The following UGGT2 variants were observed in gnomAD, a reference collection of about 807,000 sequenced individuals.
UGGT2 encodes the protein UDP-glucose glycoprotein glucosyltransferase 2, also known as UDP-glucose:glycoprotein glucosyltransferase 2.
In UGGT2, 180 loss-of-function variants were observed where a neutral mutation model predicts 192.1. The ratio of observed to expected loss-of-function variants is 0.94; its 90% confidence interval spans 0.83 to 1.06. The LOEUF (loss-of-function observed/expected upper bound fraction) is 1.06. Among genes scored for constraint, UGGT2 ranks in the 50% least tolerant of loss-of-function variants. UGGT2 has a pLI of 0.00. For synonymous variants in UGGT2, 580 were observed against 591.0 expected, an observed-to-expected ratio of 0.98 and a Z score of 0.27; for missense variants, 1,849 against 1,795.7, an observed-to-expected ratio of 1.03 and a Z score of -0.54.
At chr13:95,846,440 G>A (rs565836985) in intron 36 of UGGT2, among the ~76,000 whole-genome samples, 2 of 151,842 alleles carry the variant, frequency 1.3e-5, no homozygotes, top group African/African-American at 2.4e-5. Context: ...GAGGGGGGGA[G>A]GAGGGAGAGG....
intron 20 of UGGT2, among the ~76,000 whole-genome samples, chr13:95,924,986 G>A (rs2048974680): frequency 6.6e-6 from 1 of 152,140 alleles, no homozygotes; most frequent in Non-Finnish European, 1.5e-5. Context: ...CTCAGAAACT[G>A]TTAAGATAAA....
intron 38 of UGGT2, among the ~76,000 whole-genome samples, chr13:95,821,906 G>C (rs1234622475): frequency 3.9e-5 from 6 of 152,122 alleles, no homozygotes; most frequent in African/African-American, 1.4e-4. Flanking sequence ...TCTCCCTGCT[G>C]TTCCATTGGT....
At chr13:95,864,043 C>T (rs890309822) in intron 30 of UGGT2, among the ~76,000 whole-genome samples, 1 of 152,148 alleles carries the variant, frequency 6.6e-6, no homozygotes, top group Non-Finnish European at 1.5e-5. Context: ...TTTGTGATGA[C>T]AGATGAATAG....
At chr13:96,006,676 T>C (rs1021618641) in intron 5 of UGGT2, among the ~76,000 whole-genome samples, 1 of 120,346 alleles carries the variant, frequency 8.3e-6, no homozygotes, top group African/African-American at 3.3e-5. Flanking sequence ...GGCAGGTCAA[T>C]AGAAATTATT....
chr13:95,878,283 G>C (rs8000018), intron 27 of UGGT2, among the ~76,000 whole-genome samples: 1 of 151,894 alleles, frequency 6.6e-6, no homozygotes, highest in Non-Finnish European at 1.5e-5. Flanking sequence ...TAAATTGATC[G>C]ATATATTTTT....
At chr13:95,858,157 A>ATGC (rs1174957795) in intron 33 of UGGT2, among the ~76,000 whole-genome samples, 1 of 151,852 alleles carries the variant, frequency 6.6e-6, no homozygotes, top group Non-Finnish European at 1.5e-5. Flanking sequence ...TATCAGGCCT[A>ATGC]TGCTATAAAG....
intron 1 of UGGT2, among the ~76,000 whole-genome samples, chr13:96,043,543 G>A (rs1201187181): frequency 6.6e-6 from 1 of 152,050 alleles, no homozygotes; most frequent in Non-Finnish European, 1.5e-5. Flanking sequence ...AATGTAAAGG[G>A]CCTAAATGCT....
Position 95,895,122 on chromosome 13 carries a change from AC to A in UGGT2, c.2759+57del, listed in dbSNP as rs1249473323. ...TTTGAAACATTTTCTAATCTTAAAA[AC>A]ATTAGACTCAAAATACCAAACCCAA... On this transcript the variant is annotated intron_variant, in intron 23 of 38. Transcript: ENST00000376747. 9 of 1,500,822 alleles carry A rather than the reference AC, an allele frequency of 6.0e-6. No homozygotes were observed. In the Admixed American group the frequency reaches 2.3e-4, roughly 38 times the overall value. The allele number at this position is 1,500,822 out of a possible 1,614,324, so 93.0% of individuals were successfully genotyped here.
chr13:96,009,762 C>T (rs568384031), intron 5 of UGGT2, among the ~76,000 whole-genome samples: 10 of 152,240 alleles, frequency 6.6e-5, no homozygotes, highest in South Asian at 2.1e-4. Flanking sequence ...GAGCCGAGAT[C>T]GCGCCACTGC....
At chr13:95,827,910 A>T (rs955785510) in intron 38 of UGGT2, among the ~76,000 whole-genome samples, 2 of 152,146 alleles carry the variant, frequency 1.3e-5, no homozygotes, top group Non-Finnish European at 2.9e-5. Context: ...CAGTTTGAAG[A>T]TCCCCACAAA....
chr13:95,982,143 G>C (rs946962400), intron 10 of UGGT2, among the ~76,000 whole-genome samples: 5 of 152,176 alleles, frequency 3.3e-5, no homozygotes, highest in Non-Finnish European at 5.9e-5. Flanking sequence ...GAGTAAGCTG[G>C]CATACTCAGG....
chr13:95,924,463 A>G (rs972041441), intron 20 of UGGT2, among the ~76,000 whole-genome samples: 2 of 131,816 alleles, frequency 1.5e-5, no homozygotes, highest in African/African-American at 2.8e-5. Flanking sequence ...TAAAGCCTAA[A>G]TGCATTCTGA....
intron 17 of UGGT2, 140 bp from the exon 18 acceptor site, chr13:95,927,476 T>C (rs969908836): frequency 7.4e-6 from 6 of 807,462 alleles, no homozygotes; most frequent in African/African-American, 3.5e-5. Flanking sequence ...CTTTCTTTTT[T>C]TTTTTTTTTT....
intron 12 of UGGT2, among the ~76,000 whole-genome samples, chr13:95,965,374 A>G (rs2050538877): frequency 6.6e-6 from 1 of 151,376 alleles, no homozygotes; most frequent in South Asian, 2.1e-4. Flanking sequence ...GGATTAAGAA[A>G]ATGTGGCACA....
At chr13:96,038,624 T>G (rs1469225047) in intron 1 of UGGT2, among the ~76,000 whole-genome samples, 1 of 152,076 alleles carries the variant, frequency 6.6e-6, no homozygotes, top group East Asian at 1.9e-4. Flanking sequence ...CAAGAGAAAT[T>G]TATTCTCTCA....
rs1460599129 is a variant in UGGT2, at chr13:95,856,154, T to C, written c.4008+4A>G. 1.2e-6 allele frequency: 2 copies of C among 1,605,886 alleles called. No homozygotes were observed. The highest frequency in any genetic ancestry group is 1.7e-6 in the Non-Finnish European group (2 of 1,177,510). The stretch of plus-strand genomic sequence containing the variant: ...TTACTAAAAATAGTAGTTAACCTTA[T>C]TACCTGGTCAGCATCAACAAAAATG... On this transcript the variant is annotated splice_donor_region_variant and intron_variant, in intron 34 of 38. Coordinates refer to ENST00000376747, the MANE Select transcript of UGGT2 (RefSeq NM_020121.4).
intron 29 of UGGT2, among the ~76,000 whole-genome samples, chr13:95,868,500 A>G (rs1353588431): frequency 1.3e-5 from 2 of 152,124 alleles, no homozygotes; most frequent in African/African-American, 4.8e-5. Flanking sequence ...AGGAGGCTGA[A>G]GTAGGACGAT....
At chr13:96,046,935 T>C (rs1336522118) in intron 1 of UGGT2, among the ~76,000 whole-genome samples, 1 of 152,186 alleles carries the variant, frequency 6.6e-6, no homozygotes, top group East Asian at 1.9e-4. Flanking sequence ...GCACCCGCCA[T>C]TGCTGAGGTT....
intron 12 of UGGT2, among the ~76,000 whole-genome samples, chr13:95,969,690 A>G (rs1348654482): frequency 2.0e-5 from 3 of 152,210 alleles, no homozygotes; most frequent in Non-Finnish European, 4.4e-5. Context: ...ATATGATCAA[A>G]TGTTTTTCAC....
Sources: gnomAD v4.1 joint callset for allele counts (sites outside exome capture counted in the v4.1 genomes callset) on GRCh38, gnomAD v4.1.1 for gene constraint, MANE v1.5 for transcripts, NCBI Gene and HGNC (gene_info 2026-07-23, HGNC 2026-07-21) for gene names.